CDH12: variants seen among roughly 807,000 people sequenced by gnomAD.
The protein encoded by CDH12 is cadherin 12, also known as cadherin-12.
CDH12 carries 41 observed loss-of-function variants against 74.1 expected under a neutral mutation model. The observed-to-expected ratio is 0.55, with a 90% CI of 0.43 to 0.72. CDH12 has a LOEUF of 0.72. Among genes scored for constraint, CDH12 ranks in the 30% least tolerant of loss-of-function variants. The probability of loss-of-function intolerance (pLI) is 0.00; values close to 1 mark genes in which losing one functional copy is unlikely to be tolerated. For missense variants in CDH12, 945 were observed against 977.2 expected (o/e 0.97, Z 0.44); for synonymous variants, 399 against 355.0 (o/e 1.12, Z -1.39).
At chr5:22,489,056 C>CTTTTTTTTTTGTTTTTTTTGTTTTT (rs1746732911) in intron 2 of CDH12, among the ~76,000 whole-genome samples, 1 of 37,314 alleles carries the variant, frequency 2.7e-5, no homozygotes, top group Non-Finnish European at 4.8e-5. Context: ...TTGGTACCAC[C>CTTTTTTTTTTGTTTTTTTTGTTTTT]TTTTTTTTTT....
chr5:21,949,806 A>G (rs1315645245), intron 6 of CDH12, among the ~76,000 whole-genome samples: 1 of 152,256 alleles, frequency 6.6e-6, no homozygotes, highest in Non-Finnish European at 1.5e-5. Context: ...TTATTACAAA[A>G]GAGTCAAAAA....
chr5:22,318,593 G>A (rs1738728897), intron 3 of CDH12, among the ~76,000 whole-genome samples: 1 of 152,126 alleles, frequency 6.6e-6, no homozygotes, highest in Non-Finnish European at 1.5e-5. Flanking sequence ...TGGAATTGAG[G>A]CAATCCAAGT....
At chr5:22,248,808 C>G (rs1753042437) in intron 3 of CDH12, among the ~76,000 whole-genome samples, 1 of 152,046 alleles carries the variant, frequency 6.6e-6, no homozygotes, top group Admixed American at 6.6e-5. Context: ...TACTCTCTCA[C>G]TTATCATATA....
chr5:22,826,143 G>A (rs1707069), intron 1 of CDH12, among the ~76,000 whole-genome samples: 11,764 of 152,188 alleles, frequency 0.077, 554 homozygotes, highest in South Asian at 0.18. Flanking sequence ...CAGACATGGT[G>A]GAAGATGATT....
intron 1 of CDH12, among the ~76,000 whole-genome samples, chr5:22,838,304 C>T (rs943462075): frequency 6.6e-6 from 1 of 152,130 alleles, no homozygotes; most frequent in Non-Finnish European, 1.5e-5. Context: ...GCTGAATGTG[C>T]TTGGATTCCC....
At chr5:21,762,765 A>G (rs1383552059) in intron 12 of CDH12, among the ~76,000 whole-genome samples, 2 of 152,146 alleles carry the variant, frequency 1.3e-5, no homozygotes, top group Non-Finnish European at 2.9e-5. Flanking sequence ...AACATAAAAC[A>G]TTAAATGGAG....
chr5:22,705,407 G>A (rs1350755960), intron 1 of CDH12, among the ~76,000 whole-genome samples: 3 of 151,286 alleles, frequency 2.0e-5, no homozygotes, highest in Non-Finnish European at 4.4e-5. Flanking sequence ...GATTTTGGTA[G>A]TAATGCAAAC....
At chr5:22,416,998 T>G (rs1284938857) in intron 2 of CDH12, among the ~76,000 whole-genome samples, 1 of 152,220 alleles carries the variant, frequency 6.6e-6, no homozygotes, top group Non-Finnish European at 1.5e-5. Context: ...CTTAAACATA[T>G]TAGTCTCAAG....
intron 1 of CDH12, among the ~76,000 whole-genome samples, chr5:22,698,091 ACATTCCCTTAATGCCCGCATAAAGG>A: frequency 6.8e-6 from 1 of 146,152 alleles, no homozygotes; most frequent in East Asian, 2.0e-4. Context: ...CAGATAGGTT[ACATTCCCTTAATGCCCGCATAAAGG>A]CAGGGCTTTT....
intron 2 of CDH12, among the ~76,000 whole-genome samples, chr5:22,443,306 C>T (rs1341749833): frequency 6.6e-6 from 1 of 152,054 alleles, no homozygotes; most frequent in African/African-American, 2.4e-5. Context: ...CTTTTGAAGG[C>T]CAAGACAGCT....
rs6896375 is a variant in CDH12 at position 22,427,325 on chromosome 5, G to A, written c.-427-21974C>T. 7.2e-3 allele frequency among the ~76,000 whole-genome samples: 1,100 copies of A among 151,942 alleles called. 12 individuals carry two copies. The highest frequency in any genetic ancestry group is 0.025 in the African/African-American group (1,049 of 41,434). On this transcript the variant is annotated intron_variant, in intron 2 of 14. Transcript: ENST00000382254. ...TGGGACTACAGGCACGCACCACCAC[G>A]CCCGGCTAATTTTTATATTTTTAGT...
intron 5 of CDH12, among the ~76,000 whole-genome samples, chr5:22,076,042 A>G (rs1446898310): frequency 1.3e-5 from 2 of 152,066 alleles, no homozygotes; most frequent in Non-Finnish European, 2.9e-5. Flanking sequence ...TGAAAATTTA[A>G]TTAGTTTCCT....
chr5:21,913,763 C>T (rs2150065710), intron 6 of CDH12, among the ~76,000 whole-genome samples: 1 of 152,142 alleles, frequency 6.6e-6, no homozygotes, highest in South Asian at 2.1e-4. Flanking sequence ...GCAGCCCTGA[C>T]CTCCTGAGCA....
At chr5:22,631,821 G>A (rs1386632703) in intron 1 of CDH12, among the ~76,000 whole-genome samples, 1 of 152,084 alleles carries the variant, frequency 6.6e-6, no homozygotes, top group Admixed American at 6.6e-5. Context: ...AGGACAAAGA[G>A]AGGAATCGAG....
intron 3 of CDH12, among the ~76,000 whole-genome samples, chr5:22,223,568 T>C: frequency 6.6e-6 from 1 of 152,012 alleles, no homozygotes; most frequent in East Asian, 1.9e-4. Flanking sequence ...TCCCCACTGT[T>C]GCTGTTATGC....
intron 5 of CDH12, among the ~76,000 whole-genome samples, chr5:21,992,863 T>C (rs2150136859): frequency 6.6e-6 from 1 of 152,254 alleles, no homozygotes; most frequent in South Asian, 2.1e-4. Flanking sequence ...GACTGGGTAA[T>C]TTATAAAGAA....
intron 1 of CDH12, among the ~76,000 whole-genome samples, chr5:22,772,237 T>C (rs1580984752): frequency 6.6e-6 from 1 of 151,864 alleles, no homozygotes; most frequent in Non-Finnish European, 1.5e-5. Flanking sequence ...TTTTGAGAGA[T>C]CATTCACAAC....
intron 3 of CDH12, among the ~76,000 whole-genome samples, chr5:22,394,504 G>A (rs894580194): frequency 3.3e-5 from 5 of 151,838 alleles, no homozygotes; most frequent in Non-Finnish European, 7.4e-5. Flanking sequence ...GTGGAGCAAT[G>A]GGTGTAGAAA....
At chr5:22,791,516 C>A (rs536302833) in intron 1 of CDH12, among the ~76,000 whole-genome samples, 96 of 152,276 alleles carry the variant, frequency 6.3e-4, no homozygotes, top group Non-Finnish European at 8.5e-4. Flanking sequence ...ATTGTTCAGG[C>A]TGATGAGACT....
Sources: gnomAD v4.1 joint callset for allele counts (sites outside exome capture counted in the v4.1 genomes callset) on GRCh38, gnomAD v4.1.1 for gene constraint, MANE v1.5 for transcripts, NCBI Gene and HGNC (gene_info 2026-07-23, HGNC 2026-07-21) for gene names.